The following ELAVL1 variants were observed in gnomAD, a reference collection of about 807,000 sequenced individuals.
ELAVL1 encodes the protein ELAV like RNA binding protein 1.
A neutral mutation model predicts 28.4 loss-of-function variants in ELAVL1; 1 was observed. That is an observed-to-expected ratio of 0.04 (90% confidence interval 0.01 to 0.17). ELAVL1 has a LOEUF of 0.17. Ranked by LOEUF, ELAVL1 falls within the 10% of genes least tolerant of loss-of-function variation. The pLI is 1.00. For missense variants in ELAVL1, 157 were observed against 447.2 expected (o/e 0.35, Z 5.85); for synonymous variants, 174 against 183.5 (o/e 0.95, Z 0.42).
At chr19:7,964,661 C>A (rs1392555421) in intron 5 of ELAVL1, among the ~76,000 whole-genome samples, 1 of 151,874 alleles carries the variant, frequency 6.6e-6, no homozygotes, top group Admixed American at 6.6e-5. Context: ...ACAGAGAGAC[C>A]CCATCTCTAG....
At chr19:7,966,451 C>G (rs1212472273) in intron 5 of ELAVL1, among the ~76,000 whole-genome samples, 1 of 152,160 alleles carries the variant, frequency 6.6e-6, no homozygotes, top group African/African-American at 2.4e-5. Flanking sequence ...GGCTTATAAA[C>G]AGAATGCATA....
At chr19:7,996,330 C>T (rs945931967) in intron 1 of ELAVL1, among the ~76,000 whole-genome samples, 1 of 151,900 alleles carries the variant, frequency 6.6e-6, no homozygotes, top group Non-Finnish European at 1.5e-5. Flanking sequence ...TACAGGCGCC[C>T]GCCACCATGC....
chr19:7,964,235 T>C (rs1419720672), intron 5 of ELAVL1, among the ~76,000 whole-genome samples: 1 of 152,194 alleles, frequency 6.6e-6, no homozygotes, highest in Non-Finnish European at 1.5e-5. Flanking sequence ...TGAACTCCTT[T>C]TTCCAAATTT....
intron 4 of ELAVL1, among the ~76,000 whole-genome samples, chr19:7,971,808 T>C (rs1292453310): frequency 6.6e-6 from 1 of 152,190 alleles, no homozygotes; most frequent in Non-Finnish European, 1.5e-5. Flanking sequence ...GCAGGGCCAG[T>C]GCATGCCAGG....
At chr19:7,967,388 G>A (rs1466254190) in intron 5 of ELAVL1, among the ~76,000 whole-genome samples, 177 bp downstream of exon 5, 6 of 152,202 alleles carry the variant, frequency 3.9e-5, no homozygotes, top group Non-Finnish European at 7.3e-5. Context: ...GAAGTAAACG[G>A]CTTTCCTACA....
intron 2 of ELAVL1, among the ~76,000 whole-genome samples, chr19:7,991,224 G>T (rs1366794906): frequency 6.6e-6 from 1 of 152,174 alleles, no homozygotes; most frequent in African/African-American, 2.4e-5. Flanking sequence ...GACCAAGAGT[G>T]GGGGCCTGGA....
rs1400130125 is a variant in ELAVL1 at position 7,960,647 on chromosome 19, C to T, written c.*2836G>A. On this transcript the variant is annotated 3_prime_UTR_variant, in exon 6 of 6. Transcript: ENST00000407627. ...GTTACACACGGGTCAAAAGGGAATT[C>T]AATCAAAGCCTCTTTGGTATTTCCC... is the stretch of plus-strand genomic sequence containing the variant. The T allele has an allele frequency of 6.6e-6, 1 of 152,616 alleles. No individual in the cohort carries two copies. The highest frequency in any genetic ancestry group is 6.5e-5 in the Admixed American group (1 of 15,278). The allele number at this position is 152,616 out of a possible 1,614,324, so 9.5% of individuals were successfully genotyped here. A position where few individuals can be genotyped will look rare whatever the true frequency, so the allele number is the denominator to read the frequency against.
chr19:7,972,432 G>A (rs910563448), intron 4 of ELAVL1, among the ~76,000 whole-genome samples: 1 of 152,226 alleles, frequency 6.6e-6, no homozygotes, highest in African/African-American at 2.4e-5. Flanking sequence ...GTGCCAAGAC[G>A]GACTGGGAGG....
At chr19:8,003,323 C>T (rs2081074509) in intron 1 of ELAVL1, among the ~76,000 whole-genome samples, 1 of 125,932 alleles carries the variant, frequency 7.9e-6, no homozygotes, top group Non-Finnish European at 1.6e-5. Context: ...CACAACTGCA[C>T]TCCAGCCTGG....
chr19:8,003,387 A>G (rs958330487), intron 1 of ELAVL1, among the ~76,000 whole-genome samples: 8 of 140,816 alleles, frequency 5.7e-5, no homozygotes, highest in African/African-American at 1.1e-4. Flanking sequence ...AAAAGAAAAA[A>G]AAAAAAAAAG....
intron 3 of ELAVL1, among the ~76,000 whole-genome samples, 184 bp downstream of exon 3, chr19:7,980,899 A>G (rs768306305): frequency 5.9e-5 from 9 of 151,998 alleles, no homozygotes; most frequent in African/African-American, 9.7e-5. Flanking sequence ...CTGGGCGGGG[A>G]GTGGGTCCTG....
chr19:7,995,232 T>G (rs1215112203), intron 1 of ELAVL1, among the ~76,000 whole-genome samples: 1 of 152,260 alleles, frequency 6.6e-6, no homozygotes, highest in African/African-American at 2.4e-5. Flanking sequence ...GGGTTAACAC[T>G]GAAGAATTAA....
chr19:7,972,316 C>T (rs1985138016), intron 4 of ELAVL1, among the ~76,000 whole-genome samples: 4 of 152,234 alleles, frequency 2.6e-5, no homozygotes, highest in Admixed American at 6.5e-5. Flanking sequence ...TAGCCTAGTG[C>T]GGCAGGCGGG....
rs1214485194 is a variant in ELAVL1 at position 7,960,882 on chromosome 19, T to C, written c.*2601A>G. On this transcript the variant is annotated 3_prime_UTR_variant, in exon 6 of 6. Transcript: ENST00000407627. Reference sequence around the variant, plus strand: ...GGCCTTGATAAGATGTAATGAACTTTGAGGACACAGGGCCAGCAACTAGAA... The same window carrying C: ...GGCCTTGATAAGATGTAATGAACTTCGAGGACACAGGGCCAGCAACTAGAA... 6.6e-6 allele frequency: 1 copy of C among 152,166 alleles called. No individual in the cohort carries two copies. The highest frequency in any genetic ancestry group is 6.6e-5 in the Admixed American group (1 of 15,262). The allele number at this position is 152,166 out of a possible 1,614,324, so 9.4% of individuals were successfully genotyped here. A position where few individuals can be genotyped will look rare whatever the true frequency, so the allele number is the denominator to read the frequency against.
intron 2 of ELAVL1, among the ~76,000 whole-genome samples, chr19:7,987,502 C>G (rs1291706420): frequency 6.6e-6 from 1 of 152,190 alleles, no homozygotes; most frequent in East Asian, 1.9e-4. Flanking sequence ...ATATCCCCAA[C>G]ATAGGGACCA....
At position 7,991,841 on chromosome 19, in the gene ELAVL1, GA is replaced by G. The variant is rs781468968; in HGVS notation, c.-16-11del. On this transcript the variant is annotated splice_polypyrimidine_tract_variant and intron_variant, in intron 1 of 5. Coordinates refer to ENST00000407627, the MANE Select transcript of ELAVL1 (RefSeq NM_001419.3). ...TGTATTTTTCAAAAATCTGCCAAGA[GA>G]AAAAGAGCAAGTAAATTCAAAATGT... 1.9e-6 allele frequency: 3 copies of G among 1,571,860 alleles called. No individual in the cohort carries two copies. The highest frequency in any genetic ancestry group is 2.6e-6 in the Non-Finnish European group (3 of 1,154,722).
chr19:7,992,137 C>T (rs1007121509), intron 1 of ELAVL1, among the ~76,000 whole-genome samples: 8 of 152,016 alleles, frequency 5.3e-5, no homozygotes, highest in Non-Finnish European at 1.2e-4. Flanking sequence ...GACGGGGTTT[C>T]GTCGTGTTGG....
At chr19:7,990,854 C>A (rs369549933) in intron 2 of ELAVL1, among the ~76,000 whole-genome samples, 5 of 152,116 alleles carry the variant, frequency 3.3e-5, no homozygotes, top group Non-Finnish European at 7.4e-5. Context: ...AGGAGAGCTC[C>A]GCACATGGTC....
Position 7,967,791 on chromosome 19 carries a change from CT to C in ELAVL1, c.431-2del. The C allele has an allele frequency of 6.2e-7, 1 of 1,607,680 alleles. No homozygotes were observed. The highest frequency in any genetic ancestry group is 8.5e-7 in the Non-Finnish European group (1 of 1,176,116). On this transcript the variant is annotated splice_acceptor_variant, in intron 4 of 5. Transcript: ENST00000407627. LOFTEE classifies it high-confidence loss of function. Reference sequence around the variant, plus strand: ...ATAAACGCAACCCCTCTGGACAAACCTTTTCAACAAATCAACAAAAACGGAG... The same window carrying C: ...ATAAACGCAACCCCTCTGGACAAACCTTTCAACAAATCAACAAAAACGGAG...
Sources: allele counts gnomAD v4.1 joint callset (sites outside exome capture counted in the v4.1 genomes callset), GRCh38; gene constraint gnomAD v4.1.1; transcripts MANE v1.5; gene names NCBI Gene and HGNC (gene_info 2026-07-23, HGNC 2026-07-21).